The following NAV1 variants were observed in gnomAD, a reference collection of about 807,000 sequenced individuals.
The protein encoded by NAV1 is pore membrane and/or filament interacting like protein 3.
NAV1 carries 18 observed loss-of-function variants against 175.2 expected under a neutral mutation model. The observed-to-expected ratio is 0.10, with a 90% CI of 0.07 to 0.15. The LOEUF is 0.15. Among genes scored for constraint, NAV1 ranks in the 10% least tolerant of loss-of-function variants. The pLI is 1.00. For missense variants in NAV1, 1,731 were observed against 2,436.6 expected, an observed-to-expected ratio of 0.71 and a Z score of 6.10; for synonymous variants, 897 against 978.7, an observed-to-expected ratio of 0.92 and a Z score of 1.56.
At chr1:201,584,746 A>G (rs1444133536) in intron 1 of NAV1, among the ~76,000 whole-genome samples, 2 of 152,190 alleles carry the variant, frequency 1.3e-5, no homozygotes, top group Non-Finnish European at 2.9e-5. Flanking sequence ...GCCAGTCCAG[A>G]TGCTCCACCA....
Position 201,585,541 on chromosome 1 carries a change from G to GA in NAV1, c.-143-2990dup, listed in dbSNP as rs566209688. ...AGTGAAAAGACAACCCACAGATTAGGAAAAAAAATTTGCAAATCTTATATC... is the reference window on the plus strand; with the variant it reads ...AGTGAAAAGACAACCCACAGATTAGGAAAAAAAAATTTGCAAATCTTATATC... On this transcript the variant is annotated intron_variant, in intron 1 of 33. Transcript: ENST00000685211. Among the ~76,000 whole-genome samples the GA allele has an allele frequency of 6.1e-4, 93 of 151,270 alleles. 1 individual carries two copies. The East Asian group carries it at 7.9e-3, about 13-fold the overall frequency.
At position 201,697,633 on chromosome 1, in the gene NAV1, T is replaced by C. The variant is rs1009971999; in HGVS notation, c.758-15184T>C. Among the ~76,000 whole-genome samples, 4 of 152,216 alleles carry C rather than the reference T, an allele frequency of 2.6e-5. No individual in the cohort carries two copies. In the East Asian group the frequency reaches 7.7e-4, roughly 29 times the overall value. ...CTGAGGCTTGTGCCAGCTCTGACTT[T>C]TGATGAGTTTTAACATTCAGCCTCT... On this transcript the variant is annotated intron_variant, in intron 1 of 29. Transcript: ENST00000367296.
At chr1:201,648,772 C>T in exon 1 of NAV1, 3 of 1,409,178 alleles carry the variant, frequency 2.1e-6, no homozygotes, top group South Asian at 3.2e-5. Flanking sequence ...AGGAAGGCGG[C>T]AGCGGCGGAC....
intron 3 of NAV1, chr1:201,739,473 A>C (rs1673262526): frequency 6.6e-6 from 1 of 152,592 alleles, no homozygotes; most frequent in Non-Finnish European, 1.5e-5. Flanking sequence ...AGCCAGGAGG[A>C]GGCCGGGAGG....
chr1:201,651,647 A>C (rs1035384920), intron 1 of NAV1, among the ~76,000 whole-genome samples: 5 of 152,142 alleles, frequency 3.3e-5, no homozygotes, highest in African/African-American at 1.2e-4. Context: ...TGATCTCCTG[A>C]GGACTAAGTC....
upstream of NAV1, among the ~76,000 whole-genome samples, chr1:201,620,259 G>A (rs905707559): frequency 6.6e-5 from 10 of 152,070 alleles, no homozygotes; most frequent in African/African-American, 9.7e-5. Flanking sequence ...CAAGAGAACC[G>A]GCCATGCTTT....
intron 3 of NAV1, among the ~76,000 whole-genome samples, chr1:201,720,455 A>T (rs1262418023): frequency 2.6e-5 from 4 of 152,196 alleles, no homozygotes; most frequent in Non-Finnish European, 5.9e-5. Context: ...TCCCAAACTG[A>T]TGGAAACGAG....
At chr1:201,585,009 C>T (rs1666982811) in intron 1 of NAV1, among the ~76,000 whole-genome samples, 3 of 152,154 alleles carry the variant, frequency 2.0e-5, no homozygotes, top group Admixed American at 1.3e-4. Flanking sequence ...CAAGGTCCTC[C>T]CACCCAGCCC....
At chr1:201,721,671 C>T (rs775234543) in intron 3 of NAV1, among the ~76,000 whole-genome samples, 1 of 152,224 alleles carries the variant, frequency 6.6e-6, no homozygotes, top group Non-Finnish European at 1.5e-5. Flanking sequence ...CTCCACACTG[C>T]GACACCCCTG....
intron 2 of NAV1, among the ~76,000 whole-genome samples, chr1:201,642,557 T>TGTCTTTCTTCCTTCCTTCCTTCCTCTTTC (rs1553247081): frequency 9.4e-6 from 1 of 106,018 alleles, no homozygotes; most frequent in Non-Finnish European, 1.9e-5. Flanking sequence ...TTCTTTCTTT[T>TGTCTTTCTTCCTTCCTTCCTTCCTCTTTC]TTCCCTTTCT....
At chr1:201,595,937 C>T (rs1315475866) in intron 2 of NAV1, among the ~76,000 whole-genome samples, 1 of 152,260 alleles carries the variant, frequency 6.6e-6, no homozygotes, top group Non-Finnish European at 1.5e-5. Flanking sequence ...ACTGCGTCCT[C>T]TTCAGTTATG....
chr1:201,739,654 G>A (rs187824078), intron 3 of NAV1: 2 of 386,920 alleles, frequency 5.2e-6, no homozygotes, highest in South Asian at 1.1e-4. Flanking sequence ...CAGCCCAGGT[G>A]GAGGTCGAGC....
intron 1 of NAV1, among the ~76,000 whole-genome samples, chr1:201,689,809 C>T (rs185527071): frequency 6.6e-6 from 1 of 152,210 alleles, no homozygotes; most frequent in African/African-American, 2.4e-5. Context: ...GCGGTGGAAG[C>T]TCTCCTAGGG....
At chr1:201,626,763 G>T (rs1202908009) in intron 1 of NAV1, among the ~76,000 whole-genome samples, 2 of 152,158 alleles carry the variant, frequency 1.3e-5, no homozygotes, top group African/African-American at 4.8e-5. Flanking sequence ...TGGAACTATG[G>T]TTAATGGTAT....
At chr1:201,753,962 A>T (rs1674296415) in intron 3 of NAV1, among the ~76,000 whole-genome samples, 1 of 152,218 alleles carries the variant, frequency 6.6e-6, no homozygotes, top group African/African-American at 2.4e-5. Flanking sequence ...GACTACCCAA[A>T]GAAGGGGAAA....
At chr1:201,776,900 C>T (rs933054676) in intron 3 of NAV1, among the ~76,000 whole-genome samples, 3 of 151,756 alleles carry the variant, frequency 2.0e-5, no homozygotes, top group Non-Finnish European at 4.4e-5. Flanking sequence ...ACATCATTAG[C>T]GATGTTTCAG....
At chr1:201,568,870 A>G (rs1328647008) in intron 1 of NAV1, among the ~76,000 whole-genome samples, 1 of 151,890 alleles carries the variant, frequency 6.6e-6, no homozygotes, top group Non-Finnish European at 1.5e-5. Context: ...TGCCTCATGC[A>G]TGCGCAGAAG....
At chr1:201,805,839 T>A (rs1678239602) in intron 17 of NAV1, among the ~76,000 whole-genome samples, 4 of 152,058 alleles carry the variant, frequency 2.6e-5, no homozygotes, top group Admixed American at 2.0e-4. Context: ...GGAGGATAGC[T>A]TGAGCCTGGG....
chr1:201,794,721 T>G, intron 15 of NAV1, 144 bp downstream of exon 19: 1 of 746,544 alleles, frequency 1.3e-6, no homozygotes, highest in Non-Finnish European at 2.3e-6. Context: ...TAGTGTGATG[T>G]CTGGACTGGT....
Sources: gnomAD v4.1 joint callset for allele counts (sites outside exome capture counted in the v4.1 genomes callset) on GRCh38, gnomAD v4.1.1 for gene constraint, MANE v1.5 for transcripts, NCBI Gene and HGNC (gene_info 2026-07-23, HGNC 2026-07-21) for gene names.